Variants in TSPAN15 observed in about 807,000 individuals in gnomAD.
TSPAN15 encodes the protein tetraspanin 15, also known as tetraspanin-15.
In TSPAN15, 20 loss-of-function variants were observed where a neutral mutation model predicts 34.5. That is an observed-to-expected ratio of 0.58 (90% CI 0.41 to 0.84). The LOEUF is 0.84. TSPAN15 is among the 40% of genes least tolerant of loss of function. The pLI is 0.00. For missense variants in TSPAN15, 313 were observed against 386.1 expected (o/e 0.81, Z 1.59); for synonymous variants, 155 against 153.9 (o/e 1.01, Z -0.05).
At chr10:69,536,756 G>A in the TSPAN15 span, among the ~76,000 whole-genome samples, 2 of 152,032 alleles carry the variant, frequency 1.3e-5, no homozygotes, top group Admixed American at 6.6e-5. Context: ...AGGACGAGGC[G>A]GGTGGATCAC....
chr10:69,502,553 A>G (rs1842232643), intron 5 of TSPAN15, among the ~76,000 whole-genome samples: 2 of 151,614 alleles, frequency 1.3e-5, no homozygotes, highest in Non-Finnish European at 3.0e-5. Context: ...TGCAGGATGG[A>G]AGAGGCTACT....
chr10:69,536,184 T>G, the TSPAN15 span, among the ~76,000 whole-genome samples: 2 of 152,194 alleles, frequency 1.3e-5, no homozygotes, highest in Non-Finnish European at 2.9e-5. Flanking sequence ...CTGTAACCTA[T>G]CCCTTCCTGA....
Position 69,506,666 on chromosome 10 carries a change from G to A in TSPAN15, c.736-163G>A, listed in dbSNP as rs188130285. 7.9e-5 allele frequency among the ~76,000 whole-genome samples: 12 copies of A among 152,328 alleles called. No individual in the cohort carries two copies. In the East Asian group the frequency reaches 2.3e-3, roughly 29 times the overall value. On this transcript the variant is annotated intron_variant, in intron 7 of 7. Coordinates refer to ENST00000373290, the MANE Select transcript of TSPAN15 (RefSeq NM_012339.5). The surrounding 1 kb of genome is among the most constrained non-coding windows in gnomAD (Gnocchi z 4.7). ...GGGGGCCCAGGTGGGAGCTTCTTGG[G>A]CAGTGTGGGTGCTGGGAGAAGTCTC...
Position 69,507,496 on chromosome 10 carries a change from T to C in TSPAN15, c.*518T>C, listed in dbSNP as rs1311869667. The C allele has an allele frequency of 5.4e-6, 7 of 1,304,440 alleles. No individual in the cohort carries two copies. The highest frequency in any genetic ancestry group is 6.1e-6 in the Non-Finnish European group (6 of 989,356). 80.8% of individuals were successfully genotyped at this position (1,304,440 alleles called of 1,614,324 possible). A position where few individuals can be genotyped will look rare whatever the true frequency, so the allele number is the denominator to read the frequency against. Reference sequence around the variant, plus strand: ...CCTTGAGCCCTCTTGCAAGGGCGGCTGCTTCCTTGAGCCTAGTTTTTTTAC... The same window carrying C: ...CCTTGAGCCCTCTTGCAAGGGCGGCCGCTTCCTTGAGCCTAGTTTTTTTAC... On this transcript the variant is annotated 3_prime_UTR_variant, in exon 8 of 8. Transcript: ENST00000373290.
At chr10:69,508,791 A>G (rs960706535), downstream of TSPAN15, among the ~76,000 whole-genome samples, 5 of 152,198 alleles carry the variant, frequency 3.3e-5, no homozygotes, top group Admixed American at 3.3e-4. Context: ...CTGGTAAGTG[A>G]CAAAGCCATG....
the TSPAN15 span, among the ~76,000 whole-genome samples, chr10:69,518,178 G>A: frequency 6.6e-6 from 1 of 152,206 alleles, no homozygotes; most frequent in East Asian, 1.9e-4. Context: ...AATTTGCATT[G>A]AACGCAATGA....
At chr10:69,498,151 A>G in intron 4 of TSPAN15, 129 bp from the exon 5 acceptor site, 1 of 761,160 alleles carries the variant, frequency 1.3e-6, no homozygotes. Context: ...TTGAAAGTGT[A>G]CAGCCTCTCC....
downstream of TSPAN15, among the ~76,000 whole-genome samples, chr10:69,509,560 T>C (rs1024006983): frequency 2.6e-5 from 4 of 152,198 alleles, no homozygotes; most frequent in African/African-American, 9.7e-5. Flanking sequence ...GGTAGTTTCT[T>C]TTGCTGTGCA....
At chr10:69,487,326 A>G (rs1466498348) in intron 3 of TSPAN15, among the ~76,000 whole-genome samples, 2 of 151,138 alleles carry the variant, frequency 1.3e-5, no homozygotes, top group Non-Finnish European at 2.9e-5. Flanking sequence ...GCACACAGCA[A>G]GGCAGAGGTG....
intron 5 of TSPAN15, among the ~76,000 whole-genome samples, chr10:69,503,658 T>A (rs1189568347): frequency 6.6e-6 from 1 of 152,074 alleles, no homozygotes; most frequent in Middle Eastern, 3.2e-3. Context: ...CCTGCAGCAC[T>A]CACGGCAGCG....
the TSPAN15 span, among the ~76,000 whole-genome samples, chr10:69,542,548 C>T: frequency 6.6e-6 from 1 of 152,218 alleles, no homozygotes; most frequent in Non-Finnish European, 1.5e-5. Context: ...TTAATTGACT[C>T]ATGGTTCTGC....
the TSPAN15 span, among the ~76,000 whole-genome samples, chr10:69,520,087 T>C: frequency 6.6e-6 from 1 of 152,212 alleles, no homozygotes; most frequent in Admixed American, 6.5e-5. Flanking sequence ...ATTCACCATG[T>C]AGTGCAACCA....
At chr10:69,451,836 A>G in intron 1 of TSPAN15, 146 bp downstream of exon 1, 2 of 560,912 alleles carry the variant, frequency 3.6e-6, no homozygotes, top group Admixed American at 4.4e-5. Context: ...TCTACCTCAC[A>G]TTCGGGCGGC....
intron 1 of TSPAN15, among the ~76,000 whole-genome samples, chr10:69,468,986 G>T (rs1841448078): frequency 6.8e-6 from 1 of 147,280 alleles, no homozygotes; most frequent in Admixed American, 6.9e-5. Context: ...CGATGACTTA[G>T]GGTAAGGCCC....
chr10:69,529,875 A>G, the TSPAN15 span, among the ~76,000 whole-genome samples: 8 of 131,674 alleles, frequency 6.1e-5, no homozygotes, highest in African/African-American at 1.7e-4. Context: ...CCCAAAGTCC[A>G]TTATCATTCT....
chr10:69,498,929 G>A (rs975421704), intron 5 of TSPAN15, among the ~76,000 whole-genome samples: 1 of 152,166 alleles, frequency 6.6e-6, no homozygotes, highest in African/African-American at 2.4e-5. Flanking sequence ...AGTGGAGGCA[G>A]GCAGGACCTG....
At chr10:69,500,814 C>T (rs1325563726) in intron 5 of TSPAN15, among the ~76,000 whole-genome samples, 1 of 152,050 alleles carries the variant, frequency 6.6e-6, no homozygotes, top group Non-Finnish European at 1.5e-5. Context: ...ATCCCATGGC[C>T]TGGTCATGTT....
chr10:69,531,936 AAAAC>A, the TSPAN15 span, among the ~76,000 whole-genome samples: 1 of 123,460 alleles, frequency 8.1e-6, no homozygotes, highest in African/African-American at 3.0e-5. Flanking sequence ...CAAACAAAAC[AAAAC>A]AAAAAAAAAA....
chr10:69,539,164 T>C, the TSPAN15 span, among the ~76,000 whole-genome samples: 1 of 151,950 alleles, frequency 6.6e-6, no homozygotes, highest in African/African-American at 2.4e-5. Context: ...AAACCAAATA[T>C]TGTATGTTCT....
Sources: allele counts gnomAD v4.1 joint callset (sites outside exome capture counted in the v4.1 genomes callset), GRCh38; gene constraint gnomAD v4.1.1; non-coding constraint Gnocchi (gnomAD v3.1); transcripts MANE v1.5; gene names NCBI Gene and HGNC (gene_info 2026-07-23, HGNC 2026-07-21).